Variants in STAT5A observed in about 807,000 individuals in gnomAD.
STAT5A encodes the protein signal transducer and activator of transcription 5A.
Under a neutral mutation model 100.2 loss-of-function variants are expected in STAT5A, and 26 were observed. That is an observed-to-expected ratio of 0.26 (90% CI 0.19 to 0.36). STAT5A has a LOEUF of 0.36. STAT5A is among the 10% of genes least tolerant of loss of function. STAT5A has a pLI of 1.00. For synonymous variants in STAT5A, 330 were observed against 424.3 expected (o/e 0.78, Z 2.73); for missense variants, 634 against 1,027.5 (o/e 0.62, Z 5.24).
At chr17:42,298,523 G>A (rs1035261995) in intron 5 of STAT5A, among the ~76,000 whole-genome samples, 1 of 148,134 alleles carries the variant, frequency 6.8e-6, no homozygotes, top group Non-Finnish European at 1.5e-5. Flanking sequence ...CCAGGCTGGA[G>A]TGCAGTGGCC....
chr17:42,289,486 C>T lies in STAT5A; in HGVS notation c.75C>T (p.His25=). The change falls in exon 2 of 19, where the codon CAC becomes CAT. Residue 25 remains histidine (H), a synonymous_variant. Coordinates refer to ENST00000590949, the MANE Select transcript of STAT5A (RefSeq NM_001288718.2). ...LRQMQVLYGQ[H]FPIEVRHYLA... ...AGATGCAGGTGCTGTACGGCCAGCA[C>T]TTCCCCATCGAGGTCCGGCACTACT... 2.5e-6 allele frequency: 4 copies of T among 1,613,316 alleles called. No individual in the cohort carries two copies. Among genetic ancestry groups the T allele is most frequent in the Non-Finnish European group, 2.5e-6 (3 of 1,179,970 alleles).
In STAT5A at chr17:42,308,947, G is replaced by T; in HGVS notation, c.2063-100G>T. The T allele has an allele frequency of 6.9e-7, 1 of 1,457,334 alleles. No individual in the cohort carries two copies. Among genetic ancestry groups the T allele is most frequent in the Non-Finnish European group, 9.6e-7 (1 of 1,042,092 alleles). 90.3% of individuals were successfully genotyped at this position (1,457,334 alleles called of 1,614,324 possible). On this transcript the variant is annotated intron_variant, in intron 16 of 18. Transcript: ENST00000590949. This position sits in a 1 kb window ranked among gnomAD's most constrained non-coding sequence, Gnocchi z 4.6. ...AATCTCATCCCAGCTGAGAACACAA[G>T]GTGATGTGAGCAGGAGGGAGACTAC...
At position 42,308,699 on chromosome 17, in the gene STAT5A, A is replaced by C; in HGVS notation, c.2063-348A>C. 2.1e-6 allele frequency: 1 copy of C among 483,362 alleles called. No homozygotes were observed. Among genetic ancestry groups the C allele is most frequent in the Non-Finnish European group, 3.8e-6 (1 of 266,254 alleles). 29.9% of individuals were successfully genotyped at this position (483,362 alleles called of 1,614,324 possible). On this transcript the variant is annotated intron_variant, in intron 16 of 18. Transcript: ENST00000590949. This position sits in a 1 kb window ranked among gnomAD's most constrained non-coding sequence, Gnocchi z 4.6. ...CACCCTGCTCACAAACCTTCCCCCG[A>C]GTGGAGTGCAGGCAGCAAAAGGGAG...
chr17:42,299,760 C>G lies in STAT5A; in HGVS notation c.560C>G (p.Ala187Gly), dbSNP rs141565869. The change falls in exon 6 of 19, where the codon GCC becomes GGC. Residue 187 changes from alanine (A) to glycine (G), a missense_variant. Ala to Gly is a moderately conservative substitution (Grantham distance 60). Coordinates refer to ENST00000590949, the MANE Select transcript of STAT5A (RefSeq NM_001288718.2). ...QESLRIQAQF[A>G]QLAQLSPQER... Reference sequence around the variant, plus strand: ...CTCTTCTCTCCTCTAGCTCAGTTTGCCCAGCTGGCCCAGCTGAGCCCCCAG... The same window carrying G: ...CTCTTCTCTCCTCTAGCTCAGTTTGGCCAGCTGGCCCAGCTGAGCCCCCAG... 1.2e-4 allele frequency: 197 copies of G among 1,614,134 alleles called. No homozygotes were observed. Among genetic ancestry groups the G allele is most frequent in the Middle Eastern group, 1.7e-4 (1 of 6,056 alleles).
chr17:42,307,636 C>T lies in STAT5A; in HGVS notation c.1819C>T (p.Leu607Phe). The change falls in exon 15 of 19, where the codon CTC (leucine) becomes TTC (phenylalanine). Residue 607 changes from leucine (L) to phenylalanine (F), a missense_variant. This residue lies in a region of STAT5A where 210 missense variants were observed against 428.4 expected (regional missense o/e 0.49). Coordinates refer to ENST00000590949, the MANE Select transcript of STAT5A (RefSeq NM_001288718.2). ...GAATAAGCAACAGGCCCACGACCTG[C>T]TCATCAACAAGCCCGACGGGACCTT... The part of the protein sequence containing the change: ...FVNKQQAHDL[L>F]INKPDGTFLL... 6.2e-7 allele frequency: 1 copy of T among 1,614,116 alleles called. No individual in the cohort carries two copies. The highest frequency in any genetic ancestry group is 8.5e-7 in the Non-Finnish European group (1 of 1,180,010).
chr17:42,310,191 A>G (rs2081066886), intron 18 of STAT5A, among the ~76,000 whole-genome samples: 1 of 152,272 alleles, frequency 6.6e-6, no homozygotes, highest in Admixed American at 6.5e-5. Flanking sequence ...GGTGCCTACC[A>G]TTGCAGCTGA....
rs1293446235 is a variant in STAT5A, at chr17:42,299,761, C to T, written c.561C>T (p.Ala187=). ...QESLRIQAQF[A]QLAQLSPQER... is the part of the protein sequence containing the mutation. ...TCTTCTCTCCTCTAGCTCAGTTTGC[C>T]CAGCTGGCCCAGCTGAGCCCCCAGG... Residue 187 remains alanine, a synonymous_variant, in exon 6 of 19, where the codon GCC becomes GCT. Coordinates refer to ENST00000590949, the MANE Select transcript of STAT5A (RefSeq NM_001288718.2). 1 of 1,614,190 alleles carries T rather than the reference C, an allele frequency of 6.2e-7. No individual in the cohort carries two copies. The highest frequency in any genetic ancestry group is 8.5e-7 in the Non-Finnish European group (1 of 1,180,026).
chr17:42,300,799 C>T lies in STAT5A; in HGVS notation c.918C>T (p.Pro306=), dbSNP rs138978989. The T allele has an allele frequency of 1.6e-5, 25 of 1,612,446 alleles. No individual in the cohort carries two copies. The highest frequency in any genetic ancestry group is 6.7e-5 in the Admixed American group (4 of 59,958). The change falls in exon 8 of 19, where the codon CCC becomes CCT. Residue 306 remains proline, a synonymous_variant. Transcript: ENST00000590949. The stretch of plus-strand genomic sequence containing the variant: ...ACCTCTGCCAGCAGCTGCCCATCCC[C>T]GGCCCAGTGGAGGAGATGCTGGCCG... ...AEHLCQQLPI[P]GPVEEMLAEV... is the part of the protein sequence containing the mutation.
At chr17:42,290,491 G>A (rs1046396111) in intron 3 of STAT5A, among the ~76,000 whole-genome samples, 13 of 152,218 alleles carry the variant, frequency 8.5e-5, no homozygotes, top group African/African-American at 2.9e-4. Flanking sequence ...TATGGAGGAA[G>A]AGAGGGAGTT....
At chr17:42,301,185 G>A (rs1375371110) in intron 8 of STAT5A, 90 bp from the exon 9 acceptor site, 8 of 1,553,604 alleles carry the variant, frequency 5.1e-6, no homozygotes, top group Non-Finnish European at 7.0e-6. Flanking sequence ...AGCCCCATGG[G>A]AGGCAGCCCC....
chr17:42,306,801 C>T (rs1008753180), intron 13 of STAT5A, among the ~76,000 whole-genome samples: 1 of 151,940 alleles, frequency 6.6e-6, no homozygotes, highest in Admixed American at 6.6e-5. Flanking sequence ...CTTACTGTAA[C>T]CTCTGCCTCC....
In STAT5A at chr17:42,288,775, T is replaced by A. The variant is rs2080838630; in HGVS notation, c.-11+177T>A. ...GGACGGGGGGACGTGGGGACAGGGG[T>A]CGGGGATGAAAGGCAGAGGCCAGGG... On this transcript the variant is annotated intron_variant, in intron 1 of 18. Transcript: ENST00000590949. This position sits in a 1 kb window ranked among gnomAD's most constrained non-coding sequence, Gnocchi z 4.8. Among the ~76,000 whole-genome samples, 1 of 151,462 alleles carries A rather than the reference T, an allele frequency of 6.6e-6. No individual in the cohort carries two copies. Among genetic ancestry groups the A allele is most frequent in the Non-Finnish European group, 1.5e-5 (1 of 67,802 alleles).
In STAT5A at chr17:42,288,534, C is replaced by G. The variant is rs1352347518; in HGVS notation, c.-75C>G. ...CCGCTGCCGCCGCCGCCAGGAACCC[C>G]GGCCGGGAGCGAGAGCCGCGGGGCG... On this transcript the variant is annotated 5_prime_UTR_variant, in exon 1 of 19. Transcript: ENST00000590949. This position sits in a 1 kb window ranked among gnomAD's most constrained non-coding sequence, Gnocchi z 4.8. The G allele has an allele frequency of 6.5e-6, 1 of 153,122 alleles. No homozygotes were observed. Among genetic ancestry groups the G allele is most frequent in the Non-Finnish European group, 1.5e-5 (1 of 68,430 alleles). 9.5% of individuals were successfully genotyped at this position (153,122 alleles called of 1,614,324 possible).
In STAT5A at chr17:42,308,151, A is replaced by T. The variant is rs1056986231; in HGVS notation, c.1907-27A>T. The T allele has an allele frequency of 6.2e-7, 1 of 1,609,186 alleles. No individual in the cohort carries two copies. The highest frequency in any genetic ancestry group is 1.3e-5 in the African/African-American group (1 of 74,842). The stretch of plus-strand genomic sequence containing the variant: ...TTGGTCCTCCTGCTGCTGGTGGATT[A>T]TGGGAATGAGGCTGTTCTTTTCACA... On this transcript the variant is annotated intron_variant, in intron 15 of 18. Coordinates refer to ENST00000590949, the MANE Select transcript of STAT5A (RefSeq NM_001288718.2). This position sits in a 1 kb window ranked among gnomAD's most constrained non-coding sequence, Gnocchi z 4.6.
intron 11 of STAT5A, among the ~76,000 whole-genome samples, chr17:42,305,288 A>G (rs1275755056): frequency 6.6e-6 from 1 of 152,080 alleles, no homozygotes; most frequent in Non-Finnish European, 1.5e-5. Flanking sequence ...GGATCACCTG[A>G]GGTCAGGGGT....
At chr17:42,289,341 G>A in intron 1 of STAT5A, 61 bp from the exon 2 acceptor site, 3 of 1,485,624 alleles carry the variant, frequency 2.0e-6, no homozygotes, top group Non-Finnish European at 2.7e-6. Flanking sequence ...GCAAGGCCAG[G>A]GGCAGGCCCG....
intron 4 of STAT5A, 83 bp from the exon 5 acceptor site, chr17:42,295,536 T>A: frequency 1.4e-6 from 2 of 1,458,536 alleles, no homozygotes; most frequent in East Asian, 2.4e-5. Flanking sequence ...GGGTTTGGGG[T>A]CTGTAGTATT....
At chr17:42,289,695 G>A (rs2080851298) in intron 2 of STAT5A, among the ~76,000 whole-genome samples, 156 bp downstream of exon 2, 1 of 152,236 alleles carries the variant, frequency 6.6e-6, no homozygotes, top group African/African-American at 2.4e-5. Flanking sequence ...AAGCCTGGGA[G>A]GACAGAGAAT....
intron 18 of STAT5A, 99 bp from the exon 19 acceptor site, chr17:42,310,408 G>T: frequency 7.3e-7 from 1 of 1,375,204 alleles, no homozygotes. Flanking sequence ...CTGTTCTCAT[G>T]AGACGGGTTT....
Sources: gnomAD v4.1 joint callset for allele counts (sites outside exome capture counted in the v4.1 genomes callset) on GRCh38, gnomAD v4.1.1 for gene constraint, gnomAD v4.1.1 regional missense constraint, Gnocchi (gnomAD v3.1) non-coding constraint, MANE v1.5 for transcripts, NCBI Gene and HGNC (gene_info 2026-07-23, HGNC 2026-07-21) for gene names.